The following PEX14 variants were observed in gnomAD, a reference collection of about 807,000 sequenced individuals.
The protein encoded by PEX14 is peroxisomal membrane protein PEX14.
A neutral mutation model predicts 49.5 loss-of-function variants in PEX14; 15 were observed. The ratio of observed to expected loss-of-function variants is 0.30; its 90% CI spans 0.20 to 0.47. The LOEUF (loss-of-function observed/expected upper bound fraction) is 0.47. Ranked by LOEUF, PEX14 falls within the 20% of genes least tolerant of loss-of-function variation. The pLI, the probability that PEX14 is intolerant of heterozygous loss-of-function variation, is 1.00. For synonymous variants in PEX14, 210 were observed against 212.7 expected (o/e 0.99, Z 0.11); for missense variants, 398 against 494.8 (o/e 0.80, Z 1.86).
At chr1:10,532,371 G>A (rs1638674641) in intron 2 of PEX14, among the ~76,000 whole-genome samples, 1 of 151,638 alleles carries the variant, frequency 6.6e-6, no homozygotes, top group African/African-American at 2.4e-5. Flanking sequence ...TTTGGGTGGA[G>A]AAGGGGACAG....
At chr1:10,554,600 A>G (rs1384960952) in intron 3 of PEX14, among the ~76,000 whole-genome samples, 2 of 152,202 alleles carry the variant, frequency 1.3e-5, no homozygotes, top group Non-Finnish European at 2.9e-5. Context: ...AAATGACTGC[A>G]GCCTTCAGAT....
intron 3 of PEX14, among the ~76,000 whole-genome samples, chr1:10,556,322 T>G (rs1199298307): frequency 6.6e-6 from 1 of 152,146 alleles, no homozygotes; most frequent in Non-Finnish European, 1.5e-5. Context: ...TGATCAGAAT[T>G]CCACAGGGTG....
At chr1:10,525,846 G>A (rs1330338861) in intron 2 of PEX14, among the ~76,000 whole-genome samples, 1 of 151,558 alleles carries the variant, frequency 6.6e-6, no homozygotes, top group Non-Finnish European at 1.5e-5. Context: ...GGCTGATCTC[G>A]AACTCTTGAC....
chr1:10,575,369 A>G (rs578194498), intron 3 of PEX14, among the ~76,000 whole-genome samples: 10 of 152,358 alleles, frequency 6.6e-5, no homozygotes, highest in African/African-American at 1.9e-4. Flanking sequence ...GTAAATGAGA[A>G]TATGAAATAG....
intron 3 of PEX14, among the ~76,000 whole-genome samples, chr1:10,573,798 A>C (rs1022176262): frequency 1.3e-5 from 2 of 152,160 alleles, no homozygotes; most frequent in African/African-American, 4.8e-5. Context: ...TGTATATAAC[A>C]GCTTTATTTA....
intron 1 of PEX14, among the ~76,000 whole-genome samples, chr1:10,479,861 G>A (rs114240916): frequency 0.012 from 1,813 of 152,240 alleles, 29 homozygotes; most frequent in African/African-American, 0.041. Context: ...GCTGGGTGTG[G>A]TGGTGCATGT....
chr1:10,618,373 A>G lies in PEX14; in HGVS notation c.340A>G (p.Ile114Val), dbSNP rs776516806. Reference sequence around the variant, plus strand: ...ATGGCGAGATTACGGCGCCCTGGCCATCATCATGGCAGGCATTGCATTTGG... The same window carrying G: ...ATGGCGAGATTACGGCGCCCTGGCCGTCATCATGGCAGGCATTGCATTTGG... ...SRWRDYGALA[I>V]IMAGIAFGFH... The change falls in exon 5 of 9, where the codon ATC becomes GTC. Residue 114 changes from isoleucine to valine, a missense_variant. Ile to Val is a conservative substitution (Grantham distance 29). Transcript: ENST00000356607. The G allele has an allele frequency of 5.9e-5, 96 of 1,613,862 alleles. 2 individuals are homozygous for G. In the East Asian group the frequency reaches 2.1e-3, roughly 35 times the overall value.
At chr1:10,513,383 A>G (rs1641917113) in intron 2 of PEX14, among the ~76,000 whole-genome samples, 1 of 152,174 alleles carries the variant, frequency 6.6e-6, no homozygotes, top group South Asian at 2.1e-4. Context: ...GTTTGAGTCA[A>G]CATGGTCTCA....
At chr1:10,616,509 AC>A (rs1444411824) in intron 4 of PEX14, among the ~76,000 whole-genome samples, 2 of 152,178 alleles carry the variant, frequency 1.3e-5, no homozygotes, top group African/African-American at 4.8e-5. Flanking sequence ...TGAGCAGCAC[AC>A]TGTGGGGGCG....
chr1:10,556,694 C>G (rs575361275), intron 3 of PEX14, among the ~76,000 whole-genome samples: 24 of 150,422 alleles, frequency 1.6e-4, no homozygotes, highest in African/African-American at 5.5e-4. Flanking sequence ...GGCATTTCAT[C>G]AAAACTTCTT....
chr1:10,577,215 G>A (rs1640141792), intron 3 of PEX14, among the ~76,000 whole-genome samples: 1 of 151,192 alleles, frequency 6.6e-6, no homozygotes, highest in Admixed American at 6.6e-5. Context: ...TGGCCAACAT[G>A]GCGAAACCCC....
chr1:10,541,117 G>A (rs960340170), intron 3 of PEX14, among the ~76,000 whole-genome samples: 11 of 152,190 alleles, frequency 7.2e-5, no homozygotes, highest in Non-Finnish European at 4.4e-5. Context: ...CAAATAGGCC[G>A]ATCTGGGTTC....
intron 1 of PEX14, among the ~76,000 whole-genome samples, chr1:10,486,396 G>C (rs1641368586): frequency 7.6e-6 from 1 of 130,828 alleles, no homozygotes; most frequent in Admixed American, 8.1e-5. Flanking sequence ...TATGTGTTTT[G>C]AGGCCAGGCA....
intron 3 of PEX14, among the ~76,000 whole-genome samples, chr1:10,562,148 C>G (rs1639669238): frequency 6.6e-6 from 1 of 152,178 alleles, no homozygotes; most frequent in Non-Finnish European, 1.5e-5. Flanking sequence ...CCCCTGCGCA[C>G]TGCCCCCTGC....
At chr1:10,501,660 A>G (rs1286912131) in intron 2 of PEX14, among the ~76,000 whole-genome samples, 1 of 152,062 alleles carries the variant, frequency 6.6e-6, no homozygotes, top group Non-Finnish European at 1.5e-5. Flanking sequence ...CACGCCTGTA[A>G]TCCTTGCACT....
intron 4 of PEX14, among the ~76,000 whole-genome samples, chr1:10,606,831 T>A (rs1162054813): frequency 2.6e-5 from 4 of 152,098 alleles, no homozygotes; most frequent in Non-Finnish European, 4.4e-5. Flanking sequence ...AGCTCTTTTT[T>A]AAAAAAAATT....
At chr1:10,527,600 TA>T (rs1461778682) in intron 2 of PEX14, among the ~76,000 whole-genome samples, 1 of 152,136 alleles carries the variant, frequency 6.6e-6, no homozygotes, top group Non-Finnish European at 1.5e-5. Flanking sequence ...TATTCAAATT[TA>T]TTTTTTAGCA....
chr1:10,565,004 A>G (rs1482942688), intron 3 of PEX14, among the ~76,000 whole-genome samples: 1 of 150,904 alleles, frequency 6.6e-6, no homozygotes, highest in Non-Finnish European at 1.5e-5. Context: ...CCCAGGTTCA[A>G]GTGATTCTTC....
intron 2 of PEX14, among the ~76,000 whole-genome samples, chr1:10,533,166 GTCTT>G (rs1370198589): frequency 6.6e-6 from 1 of 151,966 alleles, no homozygotes; most frequent in Non-Finnish European, 1.5e-5. Context: ...TTCTCAGGGT[GTCTT>G]TCTTATTCAG....
Sources: gnomAD v4.1 joint callset for allele counts (sites outside exome capture counted in the v4.1 genomes callset) on GRCh38, gnomAD v4.1.1 for gene constraint, MANE v1.5 for transcripts, NCBI Gene and HGNC (gene_info 2026-07-23, HGNC 2026-07-21) for gene names.